The following TENM1 variants were observed in gnomAD, a reference collection of about 807,000 sequenced individuals.
The protein encoded by TENM1 is teneurin transmembrane protein 1.
In TENM1, 35 loss-of-function variants were observed where a neutral mutation model predicts 174.8. The ratio of observed to expected loss-of-function variants is 0.20; its 90% CI spans 0.15 to 0.27. TENM1 has a LOEUF of 0.27. TENM1 is among the 10% of genes least tolerant of loss of function. The pLI, the probability that TENM1 is intolerant of heterozygous loss-of-function variation, is 1.00. For synonymous variants in TENM1, 781 were observed against 798.7 expected, an observed-to-expected ratio of 0.98 and a Z score of 0.37; for missense variants, 1,633 against 2,130.1, an observed-to-expected ratio of 0.77 and a Z score of 4.59.
At chrX:124,467,615 G>A (rs757125057) in intron 22 of TENM1, among the ~76,000 whole-genome samples, 6 of 111,861 alleles carry the variant, frequency 5.4e-5, no homozygotes, top group African/African-American at 1.3e-4. Flanking sequence ...GTACCTGTGC[G>A]TTACAGGATG....
intron 23 of TENM1, among the ~76,000 whole-genome samples, chrX:124,436,459 C>T (rs945041534): frequency 3.6e-5 from 4 of 110,004 alleles, no homozygotes; most frequent in Non-Finnish European, 5.7e-5. Flanking sequence ...TCTCATTATG[C>T]TGCCTCAGAG....
intron 3 of TENM1, among the ~76,000 whole-genome samples, chrX:124,815,077 A>G (rs150493420): frequency 3.3e-4 from 37 of 111,754 alleles, no homozygotes; most frequent in African/African-American, 1.1e-3. Flanking sequence ...AATTGCATGT[A>G]TTTATGACTG....
chrX:124,782,445 C>A (rs1040780511), intron 3 of TENM1, among the ~76,000 whole-genome samples: 3 of 110,823 alleles, frequency 2.7e-5, no homozygotes, highest in African/African-American at 9.8e-5. Context: ...TCTTACCCCC[C>A]TCCCATGACC....
intron 3 of TENM1, among the ~76,000 whole-genome samples, chrX:124,807,878 T>TACAC (rs151254866): frequency 8.8e-4 from 75 of 85,173 alleles, no homozygotes; most frequent in East Asian, 2.3e-3. Flanking sequence ...GAAAATCACT[T>TACAC]ACACACACAC....
Position 124,417,299 on chromosome X carries a change from TC to T in TENM1, c.4982+3011del, listed in dbSNP as rs765441122. 5.4e-5 allele frequency among the ~76,000 whole-genome samples: 6 copies of T among 110,770 alleles called. No homozygotes were observed. In the East Asian group the frequency reaches 1.7e-3, roughly 31 times the overall value. On this transcript the variant is annotated intron_variant, in intron 25 of 31. Transcript: ENST00000422452. ...ATCTCAGCTCACTGCAACCTCCACC[TC>T]CCGGGTTCAAGTGATTCTCCTGCCT... is the stretch of plus-strand genomic sequence containing the variant.
intron 1 of TENM1, among the ~76,000 whole-genome samples, chrX:124,927,050 A>T (rs1183105101): frequency 2.7e-5 from 3 of 112,027 alleles, no homozygotes; most frequent in Non-Finnish European, 3.8e-5. Context: ...TTTTACATAT[A>T]TCTGGCATAT....
intron 14 of TENM1, among the ~76,000 whole-genome samples, chrX:124,549,392 A>T (rs186242989): frequency 8.9e-6 from 1 of 112,342 alleles, no homozygotes; most frequent in Admixed American, 9.4e-5. Context: ...ATCCAGTGTC[A>T]TGCCTGGCAA....
Position 124,380,556 on chromosome X carries a change from T to C in TENM1, c.8179A>G (p.Ser2727Gly), listed in dbSNP as rs925895248. The change falls in exon 32 of 32, where the codon AGC (serine) becomes GGC (glycine). Residue 2727 changes from serine to glycine, a missense_variant. Physicochemically the swap from Ser to Gly is moderately conservative, Grantham distance 56. Transcript: ENST00000422452. ...TTTTGTTACCTCCTGCCTATTTCGCTCTGTCTCATAAAGTGAATATTATTG... is the reference window on the plus strand; with the variant it reads ...TTTTGTTACCTCCTGCCTATTTCGCCCTGTCTCATAAAGTGAATATTATTG... 3 of 1,199,627 alleles carry C rather than the reference T, an allele frequency of 2.5e-6. No individual in the cohort carries two copies. The African/African-American group carries it at 5.3e-5, about 21-fold the overall frequency.
the TENM1 span, among the ~76,000 whole-genome samples, chrX:125,145,812 A>T: frequency 4.5e-4 from 51 of 112,250 alleles, no homozygotes; most frequent in East Asian, 6.2e-3. Flanking sequence ...ACAAAGTTAA[A>T]TCTTTACAAG....
upstream of TENM1, among the ~76,000 whole-genome samples, chrX:124,964,754 C>T (rs10284039): frequency 0.027 from 3,079 of 111,986 alleles, 119 homozygotes; most frequent in African/African-American, 0.096. Context: ...ATTTTGTCAT[C>T]ACCATTTCAG....
chrX:125,133,482 C>T, the TENM1 span, among the ~76,000 whole-genome samples: 2,787 of 111,461 alleles, frequency 0.025, 80 homozygotes, highest in African/African-American at 0.086. Flanking sequence ...CGATACTCTC[C>T]GGATCATTAC....
chrX:125,001,852 TACACACACACACACACAC>T, the TENM1 span, among the ~76,000 whole-genome samples: 7 of 84,926 alleles, frequency 8.2e-5, no homozygotes, highest in Non-Finnish European at 1.2e-4. Flanking sequence ...TATAGATAGA[TACACACACACACACACAC>T]ACACACACAC....
At chrX:124,779,961 C>T (rs1314384606) in intron 3 of TENM1, among the ~76,000 whole-genome samples, 1 of 111,799 alleles carries the variant, frequency 8.9e-6, no homozygotes, top group Non-Finnish European at 1.9e-5. Context: ...TTCACAATCC[C>T]ATACTTTTAT....
At chrX:124,528,979 A>G (rs1015054273) in intron 16 of TENM1, among the ~76,000 whole-genome samples, 1 of 111,599 alleles carries the variant, frequency 9.0e-6, no homozygotes, top group Non-Finnish European at 1.9e-5. Flanking sequence ...TCTAGGACTA[A>G]TAAGGTTTGA....
chrX:124,566,154 A>G lies in TENM1; in HGVS notation c.2078-594T>C, dbSNP rs1043889138. 2.7e-5 allele frequency among the ~76,000 whole-genome samples: 3 copies of G among 112,297 alleles called. 1 individual carries two copies. In the Admixed American group the frequency reaches 2.8e-4, roughly 11 times the overall value. On this transcript the variant is annotated intron_variant, in intron 11 of 31. Transcript: ENST00000422452. ...TTCATTCAGAAAGACAAGTTCATTAATTGGAAAGATAATAACTTTCTAATA... is the reference window on the plus strand; with the variant it reads ...TTCATTCAGAAAGACAAGTTCATTAGTTGGAAAGATAATAACTTTCTAATA...
At chrX:124,954,217 T>G (rs974896817) in intron 1 of TENM1, among the ~76,000 whole-genome samples, 1 of 111,781 alleles carries the variant, frequency 8.9e-6, no homozygotes, top group Admixed American at 9.5e-5. Flanking sequence ...TAAATTGGTA[T>G]CTAGGAAGTG....
At chrX:124,613,617 T>A (rs143896850) in intron 11 of TENM1, among the ~76,000 whole-genome samples, 1 of 111,686 alleles carries the variant, frequency 9.0e-6, no homozygotes, top group African/African-American at 3.2e-5. Flanking sequence ...CCTCACCCTT[T>A]ATTTCATTTC....
intron 3 of TENM1, among the ~76,000 whole-genome samples, chrX:124,754,453 A>G (rs1028199210): frequency 3.6e-5 from 4 of 111,137 alleles, no homozygotes; most frequent in Non-Finnish European, 7.5e-5. Flanking sequence ...TGGATTCATT[A>G]ACTTTTTGAA....
chrX:125,106,498 C>T, the TENM1 span, among the ~76,000 whole-genome samples: 1 of 109,575 alleles, frequency 9.1e-6, no homozygotes, highest in African/African-American at 3.3e-5. Flanking sequence ...CAAGCTGTGC[C>T]TCCCGGGTTC....
Sources: gnomAD v4.1 joint callset for allele counts (sites outside exome capture counted in the v4.1 genomes callset) on GRCh38, gnomAD v4.1.1 for gene constraint, MANE v1.5 for transcripts, NCBI Gene and HGNC (gene_info 2026-07-23, HGNC 2026-07-21) for gene names.